The following CASP4 variants were observed in gnomAD, a reference collection of about 807,000 sequenced individuals.
CASP4 encodes the protein caspase 4.
CASP4 carries 29 observed loss-of-function variants against 41.3 expected under a neutral mutation model. The ratio of observed to expected loss-of-function variants is 0.70; its 90% CI spans 0.52 to 0.96. The LOEUF (loss-of-function observed/expected upper bound fraction) is 0.96, where lower values mean the gene tolerates loss of function less well. CASP4 is among the 40% of genes least tolerant of loss of function. The pLI, the probability that CASP4 is intolerant of heterozygous loss-of-function variation, is 0.00. For synonymous variants in CASP4, 185 were observed against 158.4 expected (o/e 1.17, Z -1.26); for missense variants, 447 against 460.6 (o/e 0.97, Z 0.27).
intron 1 of CASP4, 145 bp from the exon 2 acceptor site, chr11:104,955,146 C>A: frequency 1.3e-6 from 1 of 744,192 alleles, no homozygotes; most frequent in South Asian, 1.9e-5. Flanking sequence ...AGAGTTCTGT[C>A]ATTCATCATA....
At position 104,954,910 on chromosome 11, in the gene CASP4, A is replaced by C. The variant is rs1321712353; in HGVS notation, c.99T>G (p.Asn33Lys). 1.9e-6 allele frequency: 3 copies of C among 1,613,524 alleles called. No homozygotes were observed. The highest frequency in any genetic ancestry group is 2.5e-6 in the Non-Finnish European group (3 of 1,179,752). The change falls in exon 2 of 9, where the codon AAT (asparagine) becomes AAG (lysine). Residue 33 changes from asparagine to lysine, a missense_variant. Coordinates refer to ENST00000444739, the MANE Select transcript of CASP4 (RefSeq NM_001225.4). ...TGVLDNLVEQ[N>K]VLNWKEEEKK... Reference sequence around the variant, plus strand: ...TTTCCTCTTCCTTCCAGTTCAGTACATTTTGTTCCACCAAGTTATCCAAAA... The same window carrying C: ...TTTCCTCTTCCTTCCAGTTCAGTACCTTTTGTTCCACCAAGTTATCCAAAA...
intron 1 of CASP4, among the ~76,000 whole-genome samples, chr11:104,961,390 G>C (rs964215034): frequency 1.3e-5 from 2 of 152,166 alleles, no homozygotes; most frequent in African/African-American, 4.8e-5. Context: ...TGGGGTGTCT[G>C]TCTGTAGCCC....
rs146648787 is a variant in CASP4 at position 104,948,576 on chromosome 11, G to A, written c.882C>T (p.Thr294=). The change falls in exon 6 of 9, where the codon ACC becomes ACT. Residue 294 remains threonine, a synonymous_variant. Coordinates refer to ENST00000444739, the MANE Select transcript of CASP4 (RefSeq NM_001225.4). ...ENLEEDAVYK[T]HVEKDFIAFC... is the part of the protein sequence containing the mutation. The stretch of plus-strand genomic sequence containing the variant: ...AAGCAATGAAGTCCTTCTCCACGTG[G>A]GTCTTGTAAACAGCATCTTCCTCTA... 5.5e-5 allele frequency: 89 copies of A among 1,610,626 alleles called. No homozygotes were observed. Among genetic ancestry groups the A allele is most frequent in the Middle Eastern group, 5.0e-4 (3 of 6,040 alleles).
At position 104,949,338 on chromosome 11, in the gene CASP4, G is replaced by C. The variant is rs968748216; in HGVS notation, c.781+205C>G. 48 of 588,080 alleles carry C rather than the reference G, an allele frequency of 8.2e-5. No homozygotes were observed. In the African/African-American group the frequency reaches 8.7e-4, roughly 11 times the overall value. The allele number at this position is 588,080 out of a possible 1,614,324, so 36.4% of individuals were successfully genotyped here. A position where few individuals can be genotyped will look rare whatever the true frequency, so the allele number is the denominator to read the frequency against. On this transcript the variant is annotated intron_variant, in intron 5 of 8. Coordinates refer to ENST00000444739, the MANE Select transcript of CASP4 (RefSeq NM_001225.4). ...ATGATCTCCTTCACCACTTACTGTG[G>C]ATAAAATTGAACAGAAATTTCTCCA...
chr11:104,946,851 C>T (rs188498409), intron 7 of CASP4: 10 of 297,548 alleles, frequency 3.4e-5, no homozygotes, highest in East Asian at 5.8e-5. Flanking sequence ...TAAGAACTTA[C>T]GCTCCATAAC....
chr11:104,963,372 A>G (rs1050596855), intron 1 of CASP4, among the ~76,000 whole-genome samples: 8 of 152,362 alleles, frequency 5.3e-5, no homozygotes, highest in East Asian at 1.9e-4. Flanking sequence ...TGGGAAAAAC[A>G]AACAACAAGA....
At chr11:104,948,452 A>T in intron 6 of CASP4, 81 bp downstream of exon 6, 1 of 1,334,860 alleles carries the variant, frequency 7.5e-7, no homozygotes, top group South Asian at 1.6e-5. Context: ...TCATTGTTTC[A>T]TAGGGATTCT....
At position 104,947,105 on chromosome 11, in the gene CASP4, TG is replaced by T; in HGVS notation, c.1012del (p.His338ThrfsTer2). ...TACCTTCCGAAATACTTCCTCTAGG[TG>T]GCAGCACCAAGAATATTTCTGGAAG... is the stretch of plus-strand genomic sequence containing the variant. ...TCFQKYSWCC[H>X]LEEVFRKVQQ... On this transcript the variant is annotated frameshift_variant, in exon 7 of 9. Transcript: ENST00000444739. LOFTEE classifies it high-confidence loss of function. 6.2e-7 allele frequency: 1 copy of T among 1,609,864 alleles called. No individual in the cohort carries two copies. Among genetic ancestry groups the T allele is most frequent in the Non-Finnish European group, 8.5e-7 (1 of 1,176,370 alleles).
chr11:104,968,266 C>A (rs926098767), intron 1 of CASP4, among the ~76,000 whole-genome samples: 1 of 152,182 alleles, frequency 6.6e-6, no homozygotes, highest in Non-Finnish European at 1.5e-5. Flanking sequence ...GCTTTCTTTA[C>A]CCTCCCTTTG....
chr11:104,953,991 CTTTA>C (rs1478460503), intron 2 of CASP4, among the ~76,000 whole-genome samples: 2 of 152,060 alleles, frequency 1.3e-5, no homozygotes, highest in Non-Finnish European at 1.5e-5. Flanking sequence ...AATGCATATA[CTTTA>C]TTTATTTACT....
At chr11:104,945,687 T>C (rs936309757) in intron 7 of CASP4, among the ~76,000 whole-genome samples, 5 of 152,162 alleles carry the variant, frequency 3.3e-5, no homozygotes, top group Non-Finnish European at 7.3e-5. Flanking sequence ...TTAGTTCCTT[T>C]TTCTATGAAC....
At chr11:104,955,946 G>C (rs1290887127) in intron 1 of CASP4, among the ~76,000 whole-genome samples, 1 of 151,952 alleles carries the variant, frequency 6.6e-6, no homozygotes, top group East Asian at 1.9e-4. Flanking sequence ...AAAAGCTTTG[G>C]CACAGAAGCA....
At chr11:104,947,030 A>C in intron 7 of CASP4, 53 bp downstream of exon 7, 1 of 1,275,038 alleles carries the variant, frequency 7.8e-7, no homozygotes, top group Non-Finnish European at 1.1e-6. Flanking sequence ...AAAGTGAATC[A>C]TGACAAATTC....
At chr11:104,960,778 T>A (rs1468438592) in intron 1 of CASP4, among the ~76,000 whole-genome samples, 1 of 152,152 alleles carries the variant, frequency 6.6e-6, no homozygotes, top group Non-Finnish European at 1.5e-5. Flanking sequence ...TCCAGCCTTT[T>A]TTTTTATTTT....
chr11:104,956,368 AATAGTTAAT>A (rs1435736118), intron 1 of CASP4, among the ~76,000 whole-genome samples: 10 of 152,114 alleles, frequency 6.6e-5, no homozygotes, highest in Non-Finnish European at 1.5e-4. Context: ...GTTCAGTTAA[AATAGTTAAT>A]ATTCATTGAG....
At chr11:104,947,488 C>G (rs968420965) in intron 6 of CASP4, 1 of 189,842 alleles carries the variant, frequency 5.3e-6, no homozygotes, top group East Asian at 1.2e-4. Flanking sequence ...ATTCTCTCAG[C>G]TTTTATAGGG....
intron 7 of CASP4, among the ~76,000 whole-genome samples, chr11:104,946,394 A>G (rs1032119348): frequency 2.0e-5 from 3 of 152,166 alleles, no homozygotes; most frequent in African/African-American, 7.2e-5. Flanking sequence ...GCCATCACGA[A>G]GTTTGCATGT....
At chr11:104,963,217 A>AG (rs1268449040) in intron 1 of CASP4, among the ~76,000 whole-genome samples, 1 of 152,188 alleles carries the variant, frequency 6.6e-6, no homozygotes, top group Non-Finnish European at 1.5e-5. Context: ...TCTGTAAAAG[A>AG]GGGTTTTTTC....
intron 8 of CASP4, 81 bp from the exon 9 acceptor site, chr11:104,943,054 G>C (rs762567447): frequency 7.0e-5 from 31 of 444,126 alleles, no homozygotes; most frequent in Non-Finnish European, 1.3e-4. Flanking sequence ...GATTCTTCTT[G>C]CATCCTCTTC....
Sources: gnomAD v4.1 joint callset for allele counts (sites outside exome capture counted in the v4.1 genomes callset) on GRCh38, gnomAD v4.1.1 for gene constraint, MANE v1.5 for transcripts, NCBI Gene and HGNC (gene_info 2026-07-23, HGNC 2026-07-21) for gene names.